PER2: variants seen among roughly 807,000 people sequenced by gnomAD.
PER2 encodes the protein period circadian regulator 2.
In PER2, 66 loss-of-function variants were observed where a neutral mutation model predicts 121.0. The ratio of observed to expected loss-of-function variants is 0.55; its 90% CI spans 0.45 to 0.67. The LOEUF (loss-of-function observed/expected upper bound fraction) is 0.67, where lower values mean the gene tolerates loss of function less well. PER2 is among the 30% of genes least tolerant of loss of function. PER2 has a pLI of 0.00. For missense variants in PER2, 1,521 were observed against 1,635.0 expected (o/e 0.93, Z 1.20); for synonymous variants, 684 against 659.9 (o/e 1.04, Z -0.56).
chr2:238,246,029 G>C lies in PER2; in HGVS notation c.*346C>G. On this transcript the variant is annotated 3_prime_UTR_variant, in exon 23 of 23. Coordinates refer to ENST00000254657, the MANE Select transcript of PER2 (RefSeq NM_022817.3). ...GTCCCCAGCTGGTGCAGCAGACAGA[G>C]GTCTCGTCACAGTCACAGGACTTCT... 4.5e-6 allele frequency: 1 copy of C among 220,464 alleles called. No individual in the cohort carries two copies. Among genetic ancestry groups the C allele is most frequent in the Non-Finnish European group, 8.8e-6 (1 of 114,052 alleles). 13.7% of individuals were successfully genotyped at this position (220,464 alleles called of 1,614,324 possible).
intron 1 of PER2, 50 bp from the exon 2 acceptor site, chr2:238,278,005 G>C: frequency 6.3e-7 from 1 of 1,577,216 alleles, no homozygotes; most frequent in South Asian, 1.1e-5. Context: ...ACGCACAAGG[G>C]GCGCTGCAGC....
Position 238,246,367 on chromosome 2 carries a change from G to T in PER2, c.*8C>A, listed in dbSNP as rs1304045671. ...CTCGCTGGCTGCCGGGCTGAGGTGG[G>T]GCAGGGGTTACGTCTGCTCTTCGAT... is the stretch of plus-strand genomic sequence containing the variant. On this transcript the variant is annotated 3_prime_UTR_variant, in exon 23 of 23. Transcript: ENST00000254657. 2 of 1,595,044 alleles carry T rather than the reference G, an allele frequency of 1.3e-6. No homozygotes were observed. Among genetic ancestry groups the T allele is most frequent in the South Asian group, 2.2e-5 (2 of 89,146 alleles).
intron 21 of PER2, among the ~76,000 whole-genome samples, chr2:238,249,947 C>T (rs766670580): frequency 6.6e-6 from 1 of 152,228 alleles, no homozygotes; most frequent in Non-Finnish European, 1.5e-5. Flanking sequence ...ATAAATTACC[C>T]AATCTCAGGT....
At chr2:238,277,071 C>A in intron 3 of PER2, 60 bp downstream of exon 3, 2 of 1,260,192 alleles carry the variant, frequency 1.6e-6, no homozygotes, top group Non-Finnish European at 2.3e-6. Flanking sequence ...AACTAACCTC[C>A]AATAAGAAGT....
Position 238,253,282 on chromosome 2 carries a change from G to A in PER2, c.2741C>T (p.Pro914Leu). ...CTGGGGCAGGTTTGGGGTCCCCGAG[G>A]GGAAGGAATAACTGGGTAGCATGAA... ...MAFMLPSYSF[P>L]SGTPNLPQAF... The change falls in exon 19 of 23, where the codon CCC becomes CTC. Residue 914 changes from proline (P) to leucine (L), a missense_variant. Coordinates refer to ENST00000254657, the MANE Select transcript of PER2 (RefSeq NM_022817.3). This position sits in a 1 kb window ranked among gnomAD's most constrained non-coding sequence, Gnocchi z 5.6. 3 of 1,612,228 alleles carry A rather than the reference G, an allele frequency of 1.9e-6. No individual in the cohort carries two copies. The highest frequency in any genetic ancestry group is 1.1e-5 in the South Asian group (1 of 90,842).
intron 22 of PER2, 93 bp from the exon 23 acceptor site, chr2:238,246,617 C>T: frequency 1.2e-6 from 1 of 834,644 alleles, no homozygotes; most frequent in East Asian, 2.7e-5. Context: ...TGGCTCACGC[C>T]TGTAATCCCA....
rs1695744926 is a variant in PER2, at chr2:238,255,872, T to C, written c.2105A>G (p.Asp702Gly). 1.2e-6 allele frequency: 2 copies of C among 1,614,234 alleles called. No homozygotes were observed. Among genetic ancestry groups the C allele is most frequent in the Non-Finnish European group, 1.7e-6 (2 of 1,180,040 alleles). Residue 702 changes from aspartate to glycine, a missense_variant, in exon 18 of 23, where the codon GAC becomes GGC. Asp to Gly is a moderately conservative substitution (Grantham distance 94, BLOSUM62 -1). Coordinates refer to ENST00000254657, the MANE Select transcript of PER2 (RefSeq NM_022817.3). Reference sequence around the variant, plus strand: ...GGCCAGGGCAGGGCCCGCCAGGCAGTCCAGGGATTCTGGCCCACTCGCAGC... The same window carrying C: ...GGCCAGGGCAGGGCCCGCCAGGCAGCCCAGGGATTCTGGCCCACTCGCAGC... ...EDAASGPESL[D>G]CLAGPALACG...
At chr2:238,277,302 A>G (rs1696485555) in intron 2 of PER2, 109 bp from the exon 3 acceptor site, 3 of 809,252 alleles carry the variant, frequency 3.7e-6, no homozygotes, top group Non-Finnish European at 4.4e-6. Context: ...ATGGTAAGAC[A>G]ATTTTTTAAA....
chr2:238,264,908 A>G (rs1213476585), intron 9 of PER2, among the ~76,000 whole-genome samples: 1 of 152,196 alleles, frequency 6.6e-6, no homozygotes, highest in African/African-American at 2.4e-5. Flanking sequence ...TCAGAGTGCT[A>G]GGATTATAAG....
Position 238,265,541 on chromosome 2 carries a change from T to C in PER2, c.1017A>G (p.Pro339=), listed in dbSNP as rs1454943338. The change falls in exon 9 of 23, where the codon CCA becomes CCG. Residue 339 remains proline, a synonymous_variant. Transcript: ENST00000254657. ...CATCCACATCCTGGAACAAACAATT[T>C]GGTGTATGGGTGGTTGTAAAAATTC... ...EKRIFTTTHT[P]NCLFQDVDER... The C allele has an allele frequency of 6.2e-7, 1 of 1,611,682 alleles. No homozygotes were observed. The highest frequency in any genetic ancestry group is 8.5e-7 in the Non-Finnish European group (1 of 1,177,718).
intron 1 of PER2, 111 bp from the exon 2 acceptor site, chr2:238,278,066 T>C (rs2106325587): frequency 9.0e-7 from 1 of 1,111,098 alleles, no homozygotes; most frequent in East Asian, 2.6e-5. Flanking sequence ...GAAACTGCAG[T>C]CTCTTTCTTT....
At chr2:238,259,686 C>A (rs1476243681) in intron 14 of PER2, among the ~76,000 whole-genome samples, 1 of 152,244 alleles carries the variant, frequency 6.6e-6, no homozygotes, top group African/African-American at 2.4e-5. Flanking sequence ...CAGGAAGGCA[C>A]ACTGGTCACA....
chr2:238,253,256 C>G lies in PER2; in HGVS notation c.2767G>C (p.Ala923Pro), dbSNP rs762129345. The change falls in exon 19 of 23, where the codon GCC (alanine) becomes CCC (proline). Residue 923 changes from alanine to proline, a missense_variant. Physicochemically the swap from Ala to Pro is conservative, Grantham distance 27. Transcript: ENST00000254657. The surrounding 1 kb of genome is among the most constrained non-coding windows in gnomAD (Gnocchi z 5.6). ...FPSGTPNLPQAFFPSQPQFPS... is the reference protein window; with the variant it reads ...FPSGTPNLPQPFFPSQPQFPS... ...AACTGAGGCTGGCTGGGGAAGAAGG[C>G]CTGGGGCAGGTTTGGGGTCCCCGAG... 127 of 1,606,870 alleles carry G rather than the reference C, an allele frequency of 7.9e-5. No homozygotes were observed. The highest frequency in any genetic ancestry group is 1.0e-4 in the Non-Finnish European group (120 of 1,175,756).
At chr2:238,256,005 T>C in intron 17 of PER2, 94 bp from the exon 18 acceptor site, 1 of 1,464,880 alleles carries the variant, frequency 6.8e-7, no homozygotes, top group South Asian at 1.2e-5. Context: ...ATCATTCACG[T>C]ATAAAGTAAT....
chr2:238,295,774 C>T, the PER2 span: 1 of 165,122 alleles, frequency 6.1e-6, no homozygotes, highest in Non-Finnish European at 1.3e-5. Context: ...TGGGAGACAC[C>T]CTACCCACTC....
upstream of PER2, among the ~76,000 whole-genome samples, chr2:238,292,449 T>C (rs566871073): frequency 6.6e-6 from 1 of 152,236 alleles, no homozygotes; most frequent in East Asian, 1.9e-4. Flanking sequence ...TCCCAATGGC[T>C]CCTTTGCAAA....
chr2:238,279,392 A>G (rs73088951), intron 1 of PER2, among the ~76,000 whole-genome samples: 2,766 of 152,244 alleles, frequency 0.018, 101 homozygotes, highest in African/African-American at 0.064. Context: ...AGCAGCCAAC[A>G]GGGGTGGGTA....
chr2:238,282,905 A>G (rs111283170), intron 1 of PER2, among the ~76,000 whole-genome samples: 47 of 152,290 alleles, frequency 3.1e-4, no homozygotes, highest in African/African-American at 1.1e-3. Flanking sequence ...TCGTGTGTGA[A>G]CTGACTCAGG....
upstream of PER2, among the ~76,000 whole-genome samples, chr2:238,293,734 C>CA (rs397939497): frequency 0.19 from 19,529 of 104,520 alleles, 4,357 homozygotes; most frequent in African/African-American, 0.53. Flanking sequence ...GACTCTGTCT[C>CA]AAAAAAAAAA....
Sources: allele counts gnomAD v4.1 joint callset (sites outside exome capture counted in the v4.1 genomes callset), GRCh38; gene constraint gnomAD v4.1.1; non-coding constraint Gnocchi (gnomAD v3.1); transcripts MANE v1.5; gene names NCBI Gene and HGNC (gene_info 2026-07-23, HGNC 2026-07-21).